The following FKBP5 variants were observed in gnomAD, a reference collection of about 807,000 sequenced individuals.
FKBP5 encodes FKBP prolyl isomerase 5.
A neutral mutation model predicts 50.5 loss-of-function variants in FKBP5; 23 were observed. That is an observed-to-expected ratio of 0.46 (90% CI 0.33 to 0.65). The LOEUF is 0.65. FKBP5 is among the 30% of genes least tolerant of loss of function. The pLI is 0.02. For synonymous variants in FKBP5, 176 were observed against 190.6 expected (o/e 0.92, Z 0.63); for missense variants, 411 against 553.1 (o/e 0.74, Z 2.58).
At position 35,580,096 on chromosome 6, in the gene FKBP5, G is replaced by T. The variant is rs759561768; in HGVS notation, c.966C>A (p.Asn322Lys). 1 of 1,614,092 alleles carries T rather than the reference G, an allele frequency of 6.2e-7. No homozygotes were observed. ...TAAGCTTCAGGTAGCACATGGCCAG[G>T]TTCAGAAAGGCAGCAAGGAGAAATG... ...SESFLLAAFL[N>K]LAMCYLKLRE... Residue 322 changes from asparagine (N) to lysine (K), a missense_variant, in exon 9 of 11, where the codon AAC (asparagine) becomes AAA (lysine). This residue lies in a region of FKBP5 where 267 missense variants were observed against 405.9 expected (regional missense o/e 0.66). Coordinates refer to ENST00000357266, the MANE Select transcript of FKBP5 (RefSeq NM_004117.4).
chr6:35,578,695 G>A (rs1307967225), intron 9 of FKBP5, among the ~76,000 whole-genome samples: 1 of 151,188 alleles, frequency 6.6e-6, no homozygotes, highest in African/African-American at 2.4e-5. Context: ...TTGAACTCGG[G>A]AGGTGGAGGT....
intron 10 of FKBP5, 76 bp downstream of exon 10, chr6:35,576,910 TTGTTTAGC>T (rs1762237226): frequency 1.3e-5 from 19 of 1,505,286 alleles, no homozygotes; most frequent in Non-Finnish European, 1.5e-5. Flanking sequence ...GCCTCTTGGG[TTGTTTAGC>T]TGTTCCTGTC....
At chr6:35,726,884 A>G (rs1289967572) in intron 1 of FKBP5, among the ~76,000 whole-genome samples, 1 of 152,198 alleles carries the variant, frequency 6.6e-6, no homozygotes, top group African/African-American at 2.4e-5. Context: ...AAGAAGAAGC[A>G]GACTTTGTTT....
Position 35,585,035 on chromosome 6 carries a change from C to T in FKBP5, c.840+1999G>A, listed in dbSNP as rs939279995. 3.0e-6 allele frequency: 3 copies of T among 985,256 alleles called. No individual in the cohort carries two copies. The African/African-American group carries it at 5.2e-5, about 17-fold the overall frequency. 61.0% of individuals were successfully genotyped at this position (985,256 alleles called of 1,614,324 possible). A position where few individuals can be genotyped will look rare whatever the true frequency, so the allele number is the denominator to read the frequency against. On this transcript the variant is annotated intron_variant, in intron 8 of 10. Transcript: ENST00000357266. The stretch of plus-strand genomic sequence containing the variant: ...ATGGCTTCATAACATTATTTCATTA[C>T]CAATAATGTTCTCCAAAATTCTGTA...
intron 2 of FKBP5, among the ~76,000 whole-genome samples, chr6:35,641,930 T>C (rs1435098383): frequency 6.6e-6 from 1 of 151,008 alleles, no homozygotes; most frequent in Non-Finnish European, 1.5e-5. Context: ...GAGGCGGAGG[T>C]TGCAGTGAGC....
rs1473108665 is a variant in FKBP5, at chr6:35,573,802, G to C, written c.*2033C>G. 6.6e-6 allele frequency: 1 copy of C among 152,090 alleles called. No individual in the cohort carries two copies. Among genetic ancestry groups the C allele is most frequent in the Non-Finnish European group, 1.5e-5 (1 of 68,016 alleles). 9.4% of individuals were successfully genotyped at this position (152,090 alleles called of 1,614,324 possible). A position where few individuals can be genotyped will look rare whatever the true frequency, so the allele number is the denominator to read the frequency against. ...GAATACGTGAAGTGTCTTCTTGAGT[G>C]GTAATGGGCACCCTGTAGTTATTTG... is the stretch of plus-strand genomic sequence containing the variant. On this transcript the variant is annotated 3_prime_UTR_variant, in exon 11 of 11. Transcript: ENST00000357266.
intron 1 of FKBP5, among the ~76,000 whole-genome samples, chr6:35,646,481 C>T (rs1764633628): frequency 6.6e-6 from 1 of 152,164 alleles, no homozygotes; most frequent in Non-Finnish European, 1.5e-5. Context: ...AAGTATTTCC[C>T]CTTAATTCCA....
chr6:35,656,791 G>C (rs1054511773), intron 1 of FKBP5, among the ~76,000 whole-genome samples: 11 of 152,074 alleles, frequency 7.2e-5, no homozygotes, highest in African/African-American at 2.2e-4. Context: ...CAGCCACTCA[G>C]GAGGCTGAGG....
upstream of FKBP5, among the ~76,000 whole-genome samples, chr6:35,690,040 C>T (rs1765954346): frequency 6.6e-6 from 1 of 152,196 alleles, no homozygotes; most frequent in Non-Finnish European, 1.5e-5. Flanking sequence ...CTAATAGTTA[C>T]CTATGGAAAC....
intron 4 of FKBP5, among the ~76,000 whole-genome samples, chr6:35,619,807 T>C (rs1763776502): frequency 6.6e-6 from 1 of 152,186 alleles, no homozygotes. Context: ...TATTTCAACA[T>C]TTATCGCCAA....
Position 35,709,753 on chromosome 6 carries a change from G to A in FKBP5, c.-20+10575C>T, listed in dbSNP as rs184680207. The stretch of plus-strand genomic sequence containing the variant: ...ATGCTTTAAATATTTCTGATTTGAT[G>A]TCATGCAAACGCTTTCATTCCCAGG... On this transcript the variant is annotated intron_variant, in intron 2 of 11. Coordinates refer to the FKBP5 transcript ENST00000536438. Among the ~76,000 whole-genome samples, 154 of 152,192 alleles carry A rather than the reference G, an allele frequency of 1.0e-3. 5 individuals carry two copies. In the South Asian group the frequency reaches 0.029, roughly 28 times the overall value.
Position 35,716,038 on chromosome 6 carries a change from G to A in FKBP5, c.-20+4290C>T, listed in dbSNP as rs550390020. On this transcript the variant is annotated intron_variant, in intron 2 of 11. Coordinates refer to the FKBP5 transcript ENST00000536438. ...TGAGGTAGGGGAGGGCAGAATCTAG[G>A]GTGGCCCGAAAGTTTCTGTCATGCA... 3.9e-5 allele frequency among the ~76,000 whole-genome samples: 6 copies of A among 152,224 alleles called. No individual in the cohort carries two copies. The South Asian group carries it at 1.0e-3, about 26-fold the overall frequency.
At chr6:35,606,863 A>G (rs986634821) in intron 5 of FKBP5, among the ~76,000 whole-genome samples, 1 of 152,152 alleles carries the variant, frequency 6.6e-6, no homozygotes, top group Non-Finnish European at 1.5e-5. Context: ...TACTGGGTAT[A>G]CAACCAAAGG....
intron 2 of FKBP5, among the ~76,000 whole-genome samples, chr6:35,641,873 G>A (rs2150988943): frequency 6.6e-6 from 1 of 152,056 alleles, no homozygotes; most frequent in East Asian, 1.9e-4. Context: ...GCAGGCGCCT[G>A]TAATCCCAGC....
intron 8 of FKBP5, chr6:35,581,616 ACAAAAC>A (rs1201893464): frequency 1.5e-5 from 15 of 979,402 alleles, no homozygotes; most frequent in Non-Finnish European, 1.2e-6. Flanking sequence ...ACAAAACAAA[ACAAAAC>A]CCCTCCAGGG....
intron 3 of FKBP5, among the ~76,000 whole-genome samples, chr6:35,633,681 C>G (rs1764230200): frequency 6.6e-6 from 1 of 151,964 alleles, no homozygotes; most frequent in Non-Finnish European, 1.5e-5. Context: ...CTAGTATTTC[C>G]AATTACCATC....
At chr6:35,709,644 C>CTTTT (rs1766381378) in intron 2 of FKBP5, among the ~76,000 whole-genome samples, 1 of 151,768 alleles carries the variant, frequency 6.6e-6, no homozygotes, top group Admixed American at 6.6e-5. Flanking sequence ...GTTGTTTTTT[C>CTTTT]TTTTCTTTCT....
In FKBP5 at chr6:35,659,367, C is replaced by T. The variant is rs1765037693; in HGVS notation, c.-19-16524G>A. Among the ~76,000 whole-genome samples, 2 of 81,928 alleles carry T rather than the reference C, an allele frequency of 2.4e-5. 1 individual carries two copies. Among genetic ancestry groups the T allele is most frequent in the Non-Finnish European group, 5.6e-5 (2 of 36,002 alleles). The allele number at this position is 81,928 out of a possible 152,430, so 53.7% of individuals were successfully genotyped here. Reference sequence around the variant, plus strand: ...GGTTCAAGCGATTCTCCTGTCTCAGCCTCTGGAGTAGCTGAGATTACAGGC... The same window carrying T: ...GGTTCAAGCGATTCTCCTGTCTCAGTCTCTGGAGTAGCTGAGATTACAGGC... On this transcript the variant is annotated intron_variant, in intron 1 of 10. Coordinates refer to ENST00000357266, the MANE Select transcript of FKBP5 (RefSeq NM_004117.4).
At chr6:35,583,573 G>A in intron 8 of FKBP5, 1 of 985,038 alleles carries the variant, frequency 1.0e-6, no homozygotes, top group South Asian at 4.7e-5. Flanking sequence ...CAACTGGGGG[G>A]TGATTTTGCC....
Sources: gnomAD v4.1 joint callset for allele counts (sites outside exome capture counted in the v4.1 genomes callset) on GRCh38, gnomAD v4.1.1 for gene constraint, gnomAD v4.1.1 regional missense constraint, MANE v1.5 for transcripts, NCBI Gene and HGNC (gene_info 2026-07-23, HGNC 2026-07-21) for gene names.